The following BCAR1 variants were observed in gnomAD, a reference collection of about 807,000 sequenced individuals.
The protein encoded by BCAR1 is BCAR1 scaffold protein, Cas family member, also known as breast cancer anti-estrogen resistance protein 1.
Under a neutral mutation model 67.6 loss-of-function variants are expected in BCAR1, and 30 were observed. The ratio of observed to expected loss-of-function variants is 0.44; its 90% CI spans 0.33 to 0.60. The LOEUF is 0.60. Ranked by LOEUF, BCAR1 falls within the 20% of genes least tolerant of loss-of-function variation. The probability of loss-of-function intolerance (pLI) is 0.02; values close to 1 mark genes in which losing one functional copy is unlikely to be tolerated. For synonymous variants in BCAR1, 626 were observed against 556.7 expected, an observed-to-expected ratio of 1.12 and a Z score of -1.75; for missense variants, 1,313 against 1,222.3, an observed-to-expected ratio of 1.07 and a Z score of -1.11.
Position 75,237,804 on chromosome 16 carries a change from C to T in BCAR1, c.634-460G>A, listed in dbSNP as rs78483800. ...TGCCCACACCACCTAGCTGTAGCCTCCTCAGAAGGGTTGGCCCAGCAGGGG... is the reference window on the plus strand; with the variant it reads ...TGCCCACACCACCTAGCTGTAGCCTTCTCAGAAGGGTTGGCCCAGCAGGGG... On this transcript the variant is annotated intron_variant, in intron 2 of 6. Transcript: ENST00000162330. Among the ~76,000 whole-genome samples the T allele has an allele frequency of 4.1e-3, 629 of 152,286 alleles. 7 individuals carry two copies. The highest frequency in any genetic ancestry group is 0.011 in the African/African-American group (455 of 41,560).
intron 6 of BCAR1, among the ~76,000 whole-genome samples, 189 bp downstream of exon 6, chr16:75,233,657 A>C (rs528930535): frequency 6.6e-6 from 1 of 152,214 alleles, no homozygotes; most frequent in Admixed American, 6.5e-5. Context: ...ACTCTTGAAA[A>C]CTTTAAAATA....
intron 1 of BCAR1, chr16:75,247,769 C>G (rs2077562617): frequency 4.3e-6 from 2 of 467,106 alleles, no homozygotes; most frequent in Non-Finnish European, 7.8e-6. Flanking sequence ...CCCTCTCTGC[C>G]AGGCCTGGCT....
intron 1 of BCAR1, chr16:75,250,634 C>G (rs1054827442): frequency 7.1e-6 from 7 of 985,510 alleles, no homozygotes; most frequent in Non-Finnish European, 8.4e-6. Flanking sequence ...CACCCCGCAC[C>G]CCTAGGCAAA....
chr16:75,255,687 T>C (rs1038079225), upstream of BCAR1, among the ~76,000 whole-genome samples: 4 of 148,058 alleles, frequency 2.7e-5, no homozygotes, highest in Non-Finnish European at 4.5e-5. Flanking sequence ...CAAGGCTCCA[T>C]CTCAAAAAAA....
chr16:75,251,799 C>G (rs1164748227), upstream of BCAR1: 1 of 518,134 alleles, frequency 1.9e-6, no homozygotes, highest in South Asian at 8.2e-5. Context: ...CGCCCCCCAC[C>G]TCCAACCCCG....
rs773793201 is a variant in BCAR1, at chr16:75,235,625, T to C, written c.1274A>G (p.Lys425Arg). 6.2e-7 allele frequency: 1 copy of C among 1,604,570 alleles called. No homozygotes were observed. The highest frequency in any genetic ancestry group is 8.5e-7 in the Non-Finnish European group (1 of 1,174,734). Residue 425 changes from lysine to arginine, a missense_variant, in exon 5 of 7, where the codon AAG becomes AGG. Coordinates refer to ENST00000162330, the MANE Select transcript of BCAR1 (RefSeq NM_014567.5). Reference sequence around the variant, plus strand: ...GCCGGTGCTGGAGGCCGACAGGCGCTTGCCCTCTGCCGGGGCTTCACGTTC... The same window carrying C: ...GCCGGTGCTGGAGGCCGACAGGCGCCTGCCCTCTGCCGGGGCTTCACGTTC... ...PAEREAPAEG[K>R]RLSASSTGST...
chr16:75,232,891 G>T (rs993568018), intron 6 of BCAR1, among the ~76,000 whole-genome samples: 3 of 152,222 alleles, frequency 2.0e-5, no homozygotes, highest in African/African-American at 7.2e-5. Context: ...GTAGGCGAGG[G>T]AGATTTGACG....
intron 2 of BCAR1, chr16:75,238,142 G>A (rs2077208590): frequency 7.8e-7 from 1 of 1,285,378 alleles, no homozygotes; most frequent in African/African-American, 1.5e-5. Flanking sequence ...TGAAGAGGCA[G>A]GCAGCACAAT....
intron 1 of BCAR1, among the ~76,000 whole-genome samples, chr16:75,261,627 G>A (rs935398873): frequency 8.5e-5 from 13 of 152,270 alleles, no homozygotes; most frequent in African/African-American, 2.9e-4. Context: ...CCCAATGCAG[G>A]TCACTCTCTG....
upstream of BCAR1, among the ~76,000 whole-genome samples, chr16:75,254,127 C>T (rs887626001): frequency 1.3e-5 from 2 of 152,104 alleles, no homozygotes; most frequent in Non-Finnish European, 2.9e-5. Flanking sequence ...ATGAAGAGAC[C>T]GAGACCCAGT....
intron 1 of BCAR1, chr16:75,245,964 CTTTTTTTTTTTTTTTT>C (rs60320561): frequency 2.8e-4 from 14 of 49,634 alleles, no homozygotes; most frequent in African/African-American, 7.6e-4. Context: ...TAGGATTGTT[CTTTTTTTTTTTTTTTT>C]TTTTTTTTTT....
At chr16:75,266,747 C>G (rs2078015085) in intron 1 of BCAR1, 1 of 1,462,584 alleles carries the variant, frequency 6.8e-7, no homozygotes, top group African/African-American at 1.4e-5. Context: ...TCCGACCCCT[C>G]TGTTCTGCTT....
intron 1 of BCAR1, chr16:75,248,464 C>T (rs995194739): frequency 7.1e-6 from 5 of 704,802 alleles, no homozygotes; most frequent in Admixed American, 4.5e-5. Context: ...CATCCGCACC[C>T]GGGACCCACC....
At chr16:75,241,023 G>A (rs2077321246) in intron 2 of BCAR1, among the ~76,000 whole-genome samples, 1 of 152,258 alleles carries the variant, frequency 6.6e-6, no homozygotes, top group Non-Finnish European at 1.5e-5. Flanking sequence ...GGAGGGGTGG[G>A]GATGTGCCTG....
At chr16:75,251,859 C>T, upstream of BCAR1, 1 of 282,388 alleles carries the variant, frequency 3.5e-6, no homozygotes, top group Non-Finnish European at 6.1e-6. Flanking sequence ...GGGCGCAGGA[C>T]ACCGCTCTCC....
chr16:75,256,964 C>T (rs183800392), intron 1 of BCAR1, among the ~76,000 whole-genome samples: 46 of 152,306 alleles, frequency 3.0e-4, no homozygotes, highest in African/African-American at 1.0e-3. Flanking sequence ...ACCAGGTCCT[C>T]CTCCTGAATC....
chr16:75,265,859 T>G, intron 1 of BCAR1: 2 of 1,167,464 alleles, frequency 1.7e-6, no homozygotes, highest in East Asian at 7.8e-5. Flanking sequence ...CCCCGGGGCC[T>G]GGCGGGCAGC....
intron 2 of BCAR1, among the ~76,000 whole-genome samples, chr16:75,239,909 T>C (rs1272066959): frequency 1.3e-5 from 2 of 152,224 alleles, no homozygotes; most frequent in Non-Finnish European, 2.9e-5. Context: ...CCTCACGCCA[T>C]GGCTGTCTCC....
Position 75,229,428 on chromosome 16 carries a change from G to A in BCAR1, c.*83C>T. The A allele has an allele frequency of 6.9e-7, 1 of 1,442,936 alleles. No homozygotes were observed. Among genetic ancestry groups the A allele is most frequent in the Non-Finnish European group, 9.1e-7 (1 of 1,098,594 alleles). 89.4% of individuals were successfully genotyped at this position (1,442,936 alleles called of 1,614,324 possible). A position where few individuals can be genotyped will look rare whatever the true frequency, so the allele number is the denominator to read the frequency against. On this transcript the variant is annotated 3_prime_UTR_variant, in exon 7 of 7. Transcript: ENST00000162330. ...GAGCTGGGGTCCTGTCCCTAAGCCT[G>A]TGGCACAGCGACTCTTGACATGGGA...
Sources: allele counts gnomAD v4.1 joint callset (sites outside exome capture counted in the v4.1 genomes callset), GRCh38; gene constraint gnomAD v4.1.1; transcripts MANE v1.5; gene names NCBI Gene and HGNC (gene_info 2026-07-23, HGNC 2026-07-21).